Variants in USP48 observed in about 807,000 individuals in gnomAD.
The protein encoded by USP48 is ubiquitin carboxyl-terminal hydrolase 48.
Under a neutral mutation model 150.7 loss-of-function variants are expected in USP48, and 43 were observed. The ratio of observed to expected loss-of-function variants is 0.29; its 90% CI spans 0.22 to 0.37. The LOEUF (loss-of-function observed/expected upper bound fraction) is 0.37. Among genes scored for constraint, USP48 ranks in the 10% least tolerant of loss-of-function variants. The probability of loss-of-function intolerance (pLI) is 1.00; values close to 1 mark genes in which losing one functional copy is unlikely to be tolerated. For missense variants in USP48, 813 were observed against 1,249.6 expected (o/e 0.65, Z 5.27); for synonymous variants, 396 against 425.9 (o/e 0.93, Z 0.86).
chr1:21,780,835 C>T (rs1387879781), intron 1 of USP48, among the ~76,000 whole-genome samples: 1 of 149,690 alleles, frequency 6.7e-6, no homozygotes, highest in East Asian at 2.0e-4. Context: ...CTCCACCTCC[C>T]GGGTTCCAGG....
rs2097673767 is a variant in USP48 at position 21,706,725 on chromosome 1, T to G, written c.2088+19A>C. The G allele has an allele frequency of 6.2e-7, 1 of 1,611,750 alleles. No homozygotes were observed. The highest frequency in any genetic ancestry group is 1.1e-5 in the South Asian group (1 of 90,882). On this transcript the variant is annotated intron_variant, in intron 16 of 26. Coordinates refer to ENST00000308271, the MANE Select transcript of USP48 (RefSeq NM_032236.8). ...GGAGGTGGCATGCCATTTCCCCAGA[T>G]GTCAGTAGCGTTCAGTACCTTGCAC...
intron 1 of USP48, among the ~76,000 whole-genome samples, chr1:21,782,283 G>C (rs1236917070): frequency 6.6e-6 from 1 of 152,126 alleles, no homozygotes; most frequent in Non-Finnish European, 1.5e-5. Flanking sequence ...GTAAACTGGT[G>C]TCGAACCAGA....
At chr1:21,715,643 G>A (rs947463568) in intron 14 of USP48, among the ~76,000 whole-genome samples, 186 bp from the exon 15 acceptor site, 1 of 152,168 alleles carries the variant, frequency 6.6e-6, no homozygotes, top group Non-Finnish European at 1.5e-5. Context: ...AAGGAAAGAG[G>A]AACATCTCAA....
At chr1:21,731,179 T>C (rs940308950) in intron 9 of USP48, among the ~76,000 whole-genome samples, 3 of 152,200 alleles carry the variant, frequency 2.0e-5, no homozygotes, top group Non-Finnish European at 2.9e-5. Context: ...AGCTCAGTAA[T>C]CATTTTAGTA....
intron 1 of USP48, among the ~76,000 whole-genome samples, chr1:21,776,295 T>C (rs531945072): frequency 2.0e-5 from 3 of 152,260 alleles, no homozygotes; most frequent in Admixed American, 6.6e-5. Context: ...ATGTAAACAG[T>C]CCTGACACAT....
At chr1:21,687,826 A>G (rs2097583843) in intron 24 of USP48, among the ~76,000 whole-genome samples, 1 of 152,146 alleles carries the variant, frequency 6.6e-6, no homozygotes, top group African/African-American at 2.4e-5. Context: ...CTGTTTTAGG[A>G]CTTTAGACAG....
chr1:21,730,065 T>G (rs547707951), intron 9 of USP48, among the ~76,000 whole-genome samples: 166 of 152,284 alleles, frequency 1.1e-3, no homozygotes, highest in South Asian at 4.8e-3. Context: ...AGAAAATACA[T>G]TTTTCTGGGG....
At chr1:21,711,335 C>G (rs1452885571) in intron 15 of USP48, among the ~76,000 whole-genome samples, 3 of 152,060 alleles carry the variant, frequency 2.0e-5, no homozygotes, top group Non-Finnish European at 1.5e-5. Flanking sequence ...GATGGAAAGT[C>G]TATTTAAGAA....
chr1:21,714,817 A>G (rs981706324), intron 15 of USP48, among the ~76,000 whole-genome samples: 1 of 152,248 alleles, frequency 6.6e-6, no homozygotes, highest in East Asian at 1.9e-4. Flanking sequence ...TATCTAGCAC[A>G]TAGTACACAG....
intron 1 of USP48, among the ~76,000 whole-genome samples, chr1:21,759,181 C>CAAA (rs11341963): frequency 7.8e-4 from 54 of 69,244 alleles, no homozygotes; most frequent in African/African-American, 8.5e-4. Context: ...GACACGGTCT[C>CAAA]AAAAAAAAAA....
intron 3 of USP48, among the ~76,000 whole-genome samples, chr1:21,755,093 TTC>T (rs1308273133): frequency 6.6e-5 from 10 of 152,306 alleles, no homozygotes; most frequent in Admixed American, 6.5e-5. Flanking sequence ...CTCTAATTAA[TTC>T]TGTTATTAAT....
At chr1:21,695,679 A>G (rs1456984301) in intron 22 of USP48, among the ~76,000 whole-genome samples, 1 of 152,206 alleles carries the variant, frequency 6.6e-6, no homozygotes, top group African/African-American at 2.4e-5. Context: ...ACTGGACTCC[A>G]GTCTGCTGAC....
chr1:21,689,929 A>C, intron 24 of USP48, 45 bp downstream of exon 24: 2 of 1,607,596 alleles, frequency 1.2e-6, no homozygotes, highest in Non-Finnish European at 1.7e-6. Flanking sequence ...TAGTTATGTA[A>C]CATGTAAAAC....
intron 14 of USP48, among the ~76,000 whole-genome samples, chr1:21,717,686 G>A (rs142658187): frequency 4.6e-5 from 7 of 152,120 alleles, no homozygotes; most frequent in African/African-American, 1.7e-4. Flanking sequence ...TGCCGGGCAC[G>A]GTGGCTCATG....
Position 21,704,318 on chromosome 1 carries a change from G to A in USP48, c.2459C>T (p.Thr820Met), listed in dbSNP as rs763942291. ...GTTTACATCTCCCACTTCAATTCTC[G>A]TGATTTTAATTACATGATCCACAAC... The part of the protein sequence containing the change: ...LFVVDHVIKI[T>M]RIEVGDVNPS... Residue 820 changes from threonine to methionine, a missense_variant, in exon 20 of 27, where the codon ACG becomes ATG. Thr to Met is a moderately conservative substitution (Grantham distance 81, BLOSUM62 -1). Coordinates refer to ENST00000308271, the MANE Select transcript of USP48 (RefSeq NM_032236.8). The A allele has an allele frequency of 4.5e-5, 72 of 1,613,462 alleles. No homozygotes were observed. Among genetic ancestry groups the A allele is most frequent in the South Asian group, 7.7e-5 (7 of 91,054 alleles).
Position 21,705,811 on chromosome 1 carries a change from G to T in USP48, c.2300C>A (p.Ser767Ter). 1 of 1,609,666 alleles carries T rather than the reference G, an allele frequency of 6.2e-7. No individual in the cohort carries two copies. Among genetic ancestry groups the T allele is most frequent in the Admixed American group, 1.7e-5 (1 of 59,048 alleles). ...VRKPTRCSPV[S>*]SVGNSALLCP... ...CAAAAGAGCACTGTTCCCAACTGAT[G>T]ACACAGGGCTGCATCTTGTAGGCTT... The change falls in exon 19 of 27, where the codon TCA becomes TAA. Residue 767 changes from serine to a stop codon, truncating the protein, a stop_gained. Coordinates refer to ENST00000308271, the MANE Select transcript of USP48 (RefSeq NM_032236.8). LOFTEE classifies it high-confidence loss of function.
chr1:21,780,703 G>A (rs2097912107), intron 1 of USP48, among the ~76,000 whole-genome samples: 1 of 151,160 alleles, frequency 6.6e-6, no homozygotes, highest in Non-Finnish European at 1.5e-5. Context: ...ATTTAGAGGC[G>A]GAACATACAG....
In USP48 at chr1:21,706,459, CATT is replaced by C. The variant is rs754444635; in HGVS notation, c.2211+5_2211+7del. On this transcript the variant is annotated splice_donor_5th_base_variant and intron_variant, in intron 17 of 26. Coordinates refer to ENST00000308271, the MANE Select transcript of USP48 (RefSeq NM_032236.8). The stretch of plus-strand genomic sequence containing the variant: ...GATGCATTCTTTCTTTTGTGGGAAT[CATT>C]ATACCTCTGGCCAGTTACTGAGACA... The C allele has an allele frequency of 9.4e-5, 151 of 1,613,864 alleles. No individual in the cohort carries two copies. Among genetic ancestry groups the C allele is most frequent in the Non-Finnish European group, 1.2e-4 (143 of 1,180,006 alleles).
chr1:21,766,303 G>A (rs966755877), intron 1 of USP48, among the ~76,000 whole-genome samples: 8 of 152,048 alleles, frequency 5.3e-5, no homozygotes, highest in Admixed American at 1.3e-4. Flanking sequence ...CCCGGGAGGC[G>A]GAGGTTGCAG....
Sources: allele counts gnomAD v4.1 joint callset (sites outside exome capture counted in the v4.1 genomes callset), GRCh38; gene constraint gnomAD v4.1.1; transcripts MANE v1.5; gene names NCBI Gene and HGNC (gene_info 2026-07-23, HGNC 2026-07-21).